CNTN5: variants seen among roughly 807,000 people sequenced by gnomAD.
The protein encoded by CNTN5 is contactin-5.
A neutral mutation model predicts 129.1 loss-of-function variants in CNTN5; 77 were observed. The ratio of observed to expected loss-of-function variants is 0.60; its 90% CI spans 0.50 to 0.72. The LOEUF (loss-of-function observed/expected upper bound fraction) is 0.72. Among genes scored for constraint, CNTN5 ranks in the 30% least tolerant of loss-of-function variants. The pLI, the probability that CNTN5 is intolerant of heterozygous loss-of-function variation, is 0.00. For missense variants in CNTN5, 1,478 were observed against 1,328.8 expected, an observed-to-expected ratio of 1.11 and a Z score of -1.75; for synonymous variants, 509 against 465.6, an observed-to-expected ratio of 1.09 and a Z score of -1.20.
intron 1 of CNTN5, among the ~76,000 whole-genome samples, chr11:99,268,947 C>T (rs1033186477): frequency 4.0e-5 from 6 of 151,888 alleles, no homozygotes; most frequent in South Asian, 2.1e-4. Flanking sequence ...AGTCTTCTTC[C>T]GCAAAATCAA....
intron 1 of CNTN5, among the ~76,000 whole-genome samples, chr11:99,028,406 A>C (rs1863204137): frequency 6.6e-6 from 1 of 151,888 alleles, no homozygotes; most frequent in Non-Finnish European, 1.5e-5. Context: ...AATATAATTC[A>C]ATGTGAAATG....
intron 1 of CNTN5, among the ~76,000 whole-genome samples, chr11:99,165,624 A>C (rs1860831225): frequency 6.6e-6 from 1 of 152,220 alleles, no homozygotes; most frequent in Non-Finnish European, 1.5e-5. Context: ...ATAGTAATGC[A>C]GAGAGAGGAC....
intron 2 of CNTN5, among the ~76,000 whole-genome samples, chr11:99,530,238 A>T (rs185572119): frequency 6.6e-6 from 1 of 152,186 alleles, no homozygotes; most frequent in Non-Finnish European, 1.5e-5. Flanking sequence ...TCTCCTTAAG[A>T]TACTATAAAT....
chr11:100,295,950 CAAA>C (rs1951091503), intron 18 of CNTN5, among the ~76,000 whole-genome samples: 1 of 151,040 alleles, frequency 6.6e-6, no homozygotes, highest in African/African-American at 2.4e-5. Context: ...TTTAAAAAAA[CAAA>C]AATACTAAGA....
In CNTN5 at chr11:99,609,955, T is replaced by C. The variant is rs77284034; in HGVS notation, c.55+53686T>C. Among the ~76,000 whole-genome samples the C allele has an allele frequency of 8.8e-3, 1,343 of 152,246 alleles. 19 individuals carry two copies. Among genetic ancestry groups the C allele is most frequent in the African/African-American group, 0.029 (1,202 of 41,546 alleles). ...TGTTCTATGTGCCAGGCACTATGTATAGTGATTCACATGTGTTACCTTATT... is the reference window on the plus strand; with the variant it reads ...TGTTCTATGTGCCAGGCACTATGTACAGTGATTCACATGTGTTACCTTATT... On this transcript the variant is annotated intron_variant, in intron 3 of 24. Transcript: ENST00000524871.
rs183765793 is a variant in CNTN5, at chr11:99,971,788, C to T, written c.877+14779C>T. On this transcript the variant is annotated intron_variant, in intron 8 of 24. Coordinates refer to ENST00000524871, the MANE Select transcript of CNTN5 (RefSeq NM_014361.4). Reference sequence around the variant, plus strand: ...ATAACTCACTAAAGACTAAGATAATCATTAGCATTATTTAGCAATAAACAT... The same window carrying T: ...ATAACTCACTAAAGACTAAGATAATTATTAGCATTATTTAGCAATAAACAT... Among the ~76,000 whole-genome samples, 42 of 151,712 alleles carry T rather than the reference C, an allele frequency of 2.8e-4. 1 individual carries two copies. Among genetic ancestry groups the T allele is most frequent in the African/African-American group, 9.9e-4 (41 of 41,304 alleles).
At chr11:99,099,784 A>T (rs1471901923) in intron 1 of CNTN5, among the ~76,000 whole-genome samples, 1 of 152,198 alleles carries the variant, frequency 6.6e-6, no homozygotes, top group Non-Finnish European at 1.5e-5. Context: ...ATGACACAAT[A>T]CGTATAAATC....
rs1220928976 is a variant in CNTN5 at position 100,354,149 on chromosome 11, A to C, written c.3200-1968A>C. Among the ~76,000 whole-genome samples the C allele has an allele frequency of 2.0e-5, 3 of 151,666 alleles. No homozygotes were observed. In the South Asian group the frequency reaches 6.2e-4, roughly 31 times the overall value. ...AAGAGGAGAATAAATAATTGTATTT[A>C]CCATATAGGAATGTTATGAGGATCA... On this transcript the variant is annotated intron_variant, in intron 24 of 24. Transcript: ENST00000524871.
At chr11:99,088,537 T>C (rs1866094150) in intron 1 of CNTN5, among the ~76,000 whole-genome samples, 1 of 152,076 alleles carries the variant, frequency 6.6e-6, no homozygotes, top group East Asian at 1.9e-4. Context: ...GGATGCACCT[T>C]GTAGTAACGA....
intron 1 of CNTN5, among the ~76,000 whole-genome samples, chr11:99,034,762 T>C (rs1314515278): frequency 6.6e-6 from 1 of 152,184 alleles, no homozygotes; most frequent in Non-Finnish European, 1.5e-5. Context: ...TTTGCATCTC[T>C]ATTTCCTTCA....
chr11:99,433,725 A>G (rs962100844), intron 2 of CNTN5, among the ~76,000 whole-genome samples: 1 of 152,148 alleles, frequency 6.6e-6, no homozygotes, highest in African/African-American at 2.4e-5. Flanking sequence ...TAAGATCAGA[A>G]AATAGTGTGA....
chr11:99,176,466 CCAAAATCAAACT>C (rs1039284989), intron 1 of CNTN5, among the ~76,000 whole-genome samples: 36 of 152,238 alleles, frequency 2.4e-4, no homozygotes, highest in African/African-American at 6.7e-4. Flanking sequence ...ATGGATACTT[CCAAAATCAAACT>C]CAAAATCAAA....
At chr11:99,118,325 C>T (rs1462209374) in intron 1 of CNTN5, among the ~76,000 whole-genome samples, 2 of 151,874 alleles carry the variant, frequency 1.3e-5, no homozygotes, top group South Asian at 2.1e-4. Context: ...TTGATGATTA[C>T]TAATAATGTT....
intron 13 of CNTN5, among the ~76,000 whole-genome samples, chr11:100,110,765 A>T (rs1264596380): frequency 6.6e-6 from 1 of 152,202 alleles, no homozygotes; most frequent in Non-Finnish European, 1.5e-5. Context: ...TCAGAGATTG[A>T]TAGAAGCCAC....
intron 1 of CNTN5, among the ~76,000 whole-genome samples, chr11:99,211,844 A>T (rs917729224): frequency 6.6e-6 from 1 of 152,152 alleles, no homozygotes; most frequent in Non-Finnish European, 1.5e-5. Flanking sequence ...TTTTTAAAAA[A>T]GTTATCTTCT....
intron 3 of CNTN5, among the ~76,000 whole-genome samples, chr11:99,714,565 G>A (rs1031299551): frequency 4.6e-5 from 7 of 151,934 alleles, no homozygotes; most frequent in Middle Eastern, 3.4e-3. Context: ...TGCCATGCTG[G>A]TTTTTTAACA....
At chr11:100,300,983 GT>G (rs1357607278) in intron 20 of CNTN5, among the ~76,000 whole-genome samples, 1 of 151,552 alleles carries the variant, frequency 6.6e-6, no homozygotes, top group Non-Finnish European at 1.5e-5. Context: ...GTAAGTGACA[GT>G]TACAAGAAAT....
chr11:99,613,460 A>G (rs1950656870), intron 3 of CNTN5, among the ~76,000 whole-genome samples: 1 of 152,162 alleles, frequency 6.6e-6, no homozygotes, highest in Admixed American at 6.5e-5. Flanking sequence ...TCTTTCCTTT[A>G]TAAATTACCC....
At chr11:99,533,627 C>G (rs1947794832) in intron 2 of CNTN5, among the ~76,000 whole-genome samples, 1 of 152,220 alleles carries the variant, frequency 6.6e-6, no homozygotes, top group Non-Finnish European at 1.5e-5. Context: ...CACTTACACT[C>G]AGGGCAGAGC....
Sources: gnomAD v4.1 joint callset for allele counts (sites outside exome capture counted in the v4.1 genomes callset) on GRCh38, gnomAD v4.1.1 for gene constraint, MANE v1.5 for transcripts, NCBI Gene and HGNC (gene_info 2026-07-23, HGNC 2026-07-21) for gene names.